Variants in KCNMA1 observed in about 807,000 individuals in gnomAD.
KCNMA1 encodes Calcium-activated potassium channel subunit alpha-1.
Under a neutral mutation model 140.0 loss-of-function variants are expected in KCNMA1, and 29 were observed. The ratio of observed to expected loss-of-function variants is 0.21; its 90% CI spans 0.15 to 0.28. The LOEUF (loss-of-function observed/expected upper bound fraction) is 0.28. Ranked by LOEUF, KCNMA1 falls within the 10% of genes least tolerant of loss-of-function variation. The pLI is 1.00. For synonymous variants in KCNMA1, 612 were observed against 611.9 expected (o/e 1.00, Z 0.00); for missense variants, 880 against 1,602.2 (o/e 0.55, Z 7.70).
chr10:77,602,766 T>G (rs2083066095), intron 1 of KCNMA1, among the ~76,000 whole-genome samples: 2 of 152,140 alleles, frequency 1.3e-5, no homozygotes, highest in African/African-American at 2.4e-5. Context: ...CAGCCCCTCC[T>G]GCCAGCCAAC....
chr10:77,453,410 A>G (rs2097700287), intron 1 of KCNMA1, among the ~76,000 whole-genome samples: 1 of 152,170 alleles, frequency 6.6e-6, no homozygotes, highest in African/African-American at 2.4e-5. Flanking sequence ...TCACCATTCA[A>G]AGATTCTCCA....
intron 2 of KCNMA1, among the ~76,000 whole-genome samples, chr10:77,283,156 G>T (rs572830645): frequency 6.6e-6 from 1 of 152,356 alleles, no homozygotes; most frequent in South Asian, 2.1e-4. Context: ...GATGTTGGGT[G>T]TGTATCCTAA....
chr10:77,197,659 A>C (rs1409890830), intron 3 of KCNMA1, among the ~76,000 whole-genome samples: 1 of 152,194 alleles, frequency 6.6e-6, no homozygotes, highest in Non-Finnish European at 1.5e-5. Flanking sequence ...GTTCAGGGCC[A>C]TCGGGGAAAG....
chr10:77,400,713 T>G (rs1008949944), intron 2 of KCNMA1, among the ~76,000 whole-genome samples: 3 of 152,164 alleles, frequency 2.0e-5, no homozygotes, highest in African/African-American at 4.8e-5. Flanking sequence ...GATTGGCCTG[T>G]TTTCTTGTAA....
intron 2 of KCNMA1, among the ~76,000 whole-genome samples, chr10:77,276,305 T>A (rs2066663739): frequency 6.6e-6 from 1 of 152,218 alleles, no homozygotes; most frequent in Non-Finnish European, 1.5e-5. Context: ...AGGGGCCTGC[T>A]AACAGGTAGA....
intron 3 of KCNMA1, among the ~76,000 whole-genome samples, chr10:77,186,373 A>AAC (rs2098850556): frequency 7.1e-6 from 1 of 141,368 alleles, no homozygotes; most frequent in African/African-American, 2.5e-5. Flanking sequence ...AAAAAAAACA[A>AAC]AAAACAAAAA....
At chr10:77,471,366 C>T (rs542067010) in intron 1 of KCNMA1, among the ~76,000 whole-genome samples, 1 of 151,238 alleles carries the variant, frequency 6.6e-6, no homozygotes, top group South Asian at 2.1e-4. Flanking sequence ...TAACACAACA[C>T]ACACTACTTA....
At chr10:77,007,613 T>A (rs545188133) in intron 18 of KCNMA1, among the ~76,000 whole-genome samples, 2 of 145,020 alleles carry the variant, frequency 1.4e-5, no homozygotes, top group South Asian at 4.5e-4. Context: ...TATAAGAATG[T>A]ACATATACTC....
rs2095492709 is a variant in KCNMA1, at chr10:77,383,370, T to A, written c.540+20492A>T. On this transcript the variant is annotated intron_variant, in intron 2 of 27. Transcript: ENST00000286628. ...GGGCTTCTAGAAATGTGGGCCAGAC[T>A]GCTGAAGAAGAGGCCTGGAGAGATG... Among the ~76,000 whole-genome samples, 4 of 151,692 alleles carry A rather than the reference T, an allele frequency of 2.6e-5. No homozygotes were observed. In the South Asian group the frequency reaches 8.3e-4, roughly 32 times the overall value.
intron 2 of KCNMA1, among the ~76,000 whole-genome samples, chr10:77,284,023 A>C (rs957625730): frequency 1.3e-5 from 2 of 152,206 alleles, no homozygotes; most frequent in Non-Finnish European, 2.9e-5. Context: ...AGAGAACAGC[A>C]TGTGCAAACA....
At chr10:77,533,458 A>G (rs2058165798) in intron 1 of KCNMA1, among the ~76,000 whole-genome samples, 1 of 152,214 alleles carries the variant, frequency 6.6e-6, no homozygotes, top group Admixed American at 6.5e-5. Context: ...AACACAAGCC[A>G]AACAAGAGGA....
At chr10:77,133,768 A>G (rs1242684765) in intron 5 of KCNMA1, among the ~76,000 whole-genome samples, 13 of 152,196 alleles carry the variant, frequency 8.5e-5, no homozygotes, top group African/African-American at 1.9e-4. Flanking sequence ...GCAGAAAGAC[A>G]CACACATATA....
At chr10:77,362,429 T>G (rs533839074) in intron 2 of KCNMA1, among the ~76,000 whole-genome samples, 11 of 141,830 alleles carry the variant, frequency 7.8e-5, no homozygotes, top group Admixed American at 7.6e-5. Context: ...CCAGAAAGAT[T>G]TGCATTCAAA....
chr10:77,594,656 C>G (rs1174941880), intron 1 of KCNMA1, among the ~76,000 whole-genome samples: 2 of 152,194 alleles, frequency 1.3e-5, no homozygotes, highest in Non-Finnish European at 2.9e-5. Flanking sequence ...CAAAAACTTA[C>G]AAGTCCCACA....
chr10:77,186,225 C>A (rs112810723), intron 3 of KCNMA1, among the ~76,000 whole-genome samples: 11 of 152,136 alleles, frequency 7.2e-5, no homozygotes, highest in African/African-American at 2.7e-4. Context: ...CATTCTTCAT[C>A]TCTGCTACAA....
chr10:77,099,708 C>A (rs1259628906), intron 9 of KCNMA1, among the ~76,000 whole-genome samples: 5 of 119,204 alleles, frequency 4.2e-5, no homozygotes, highest in Non-Finnish European at 8.6e-5. Flanking sequence ...GAGCAAAACT[C>A]CATCTCAAAA....
chr10:77,128,422 AT>A (rs1275230876), intron 5 of KCNMA1, among the ~76,000 whole-genome samples: 3 of 67,794 alleles, frequency 4.4e-5, no homozygotes, highest in East Asian at 4.6e-4. Context: ...TACTGCATCT[AT>A]TTTTTTTTCT....
At chr10:77,272,850 C>T (rs1258029088) in intron 2 of KCNMA1, among the ~76,000 whole-genome samples, 4 of 152,102 alleles carry the variant, frequency 2.6e-5, no homozygotes, top group African/African-American at 9.7e-5. Flanking sequence ...GGGTACAGCA[C>T]ACTACATTTA....
chr10:77,435,363 A>G (rs2097239441), intron 1 of KCNMA1, among the ~76,000 whole-genome samples: 1 of 152,244 alleles, frequency 6.6e-6, no homozygotes, highest in African/African-American at 2.4e-5. Context: ...AAATAAATGC[A>G]AAACAAAACC....
Sources: allele counts gnomAD v4.1 joint callset (sites outside exome capture counted in the v4.1 genomes callset), GRCh38; gene constraint gnomAD v4.1.1; transcripts MANE v1.5; gene names NCBI Gene and HGNC (gene_info 2026-07-23, HGNC 2026-07-21).